TAP2: variants seen among roughly 807,000 people sequenced by gnomAD.
The protein encoded by TAP2 is antigen peptide transporter 2.
In TAP2, 49 loss-of-function variants were observed where a neutral mutation model predicts 74.7. The ratio of observed to expected loss-of-function variants is 0.66; its 90% CI spans 0.52 to 0.83. The LOEUF (loss-of-function observed/expected upper bound fraction) is 0.83, where lower values mean the gene tolerates loss of function less well. Ranked by LOEUF, TAP2 falls within the 40% of genes least tolerant of loss-of-function variation. TAP2 has a pLI of 0.00. For missense variants in TAP2, 739 were observed against 859.0 expected (o/e 0.86, Z 1.75); for synonymous variants, 306 against 368.4 (o/e 0.83, Z 1.94).
chr6:32,824,024 GATTT>G (rs1336456872), downstream of TAP2, among the ~76,000 whole-genome samples: 1 of 151,708 alleles, frequency 6.6e-6, no homozygotes, highest in Non-Finnish European at 1.5e-5. Flanking sequence ...ACGAGCACTT[GATTT>G]ATTAGTTTTA....
intron 5 of TAP2, among the ~76,000 whole-genome samples, chr6:32,834,772 AG>A (rs955889826): frequency 2.0e-5 from 3 of 152,118 alleles, no homozygotes; most frequent in Non-Finnish European, 4.4e-5. Context: ...CTGATTTTAA[AG>A]GGAAAATCTC....
At chr6:32,834,102 T>C (rs1003647092) in intron 5 of TAP2, among the ~76,000 whole-genome samples, 28 of 152,310 alleles carry the variant, frequency 1.8e-4, no homozygotes, top group African/African-American at 6.7e-4. Flanking sequence ...AATTGTTAAA[T>C]AGAATTGCCA....
Position 32,828,124 on chromosome 6 carries a change from G to T in TAP2, c.*782C>A. ...ACGACCACCTTGGGAAAGTCATTGA[G>T]CCTCTTTGAGCTTCAGTTTCCTCAT... On this transcript the variant is annotated 3_prime_UTR_variant, in exon 12 of 12. Coordinates refer to ENST00000374897, the MANE Select transcript of TAP2 (RefSeq NM_001290043.2). 1.3e-6 allele frequency: 1 copy of T among 787,582 alleles called. No individual in the cohort carries two copies. Among genetic ancestry groups the T allele is most frequent in the Non-Finnish European group, 1.5e-6 (1 of 650,208 alleles). 48.8% of individuals were successfully genotyped at this position (787,582 alleles called of 1,614,324 possible). A position where few individuals can be genotyped will look rare whatever the true frequency, so the allele number is the denominator to read the frequency against.
rs531445379 is a variant in TAP2, at chr6:32,835,592, G to A, written c.739+51C>T. The A allele has an allele frequency of 3.1e-6, 5 of 1,612,414 alleles. No individual in the cohort carries two copies. The East Asian group carries it at 8.9e-5, about 29-fold the overall frequency. On this transcript the variant is annotated intron_variant, in intron 4 of 11. Coordinates refer to ENST00000374897, the MANE Select transcript of TAP2 (RefSeq NM_001290043.2). The surrounding 1 kb of genome is among the most constrained non-coding windows in gnomAD (Gnocchi z 4.0). ...GAGAGGCTGTGGGTGGAAGGTCACTGAGGGGCAAGGGATGTCCATGGGAAT... is the reference window on the plus strand; with the variant it reads ...GAGAGGCTGTGGGTGGAAGGTCACTAAGGGGCAAGGGATGTCCATGGGAAT...
At chr6:32,822,620 G>T (rs527988657), downstream of TAP2, among the ~76,000 whole-genome samples, 28 of 146,716 alleles carry the variant, frequency 1.9e-4, no homozygotes, top group Admixed American at 4.7e-4. Flanking sequence ...GCTCACTGCA[G>T]CCTTGAACTG....
At chr6:32,823,949 GCTCATATCCTCTCCCTTC>G (rs1768474442), downstream of TAP2, among the ~76,000 whole-genome samples, 1 of 151,614 alleles carries the variant, frequency 6.6e-6, no homozygotes, top group Non-Finnish European at 1.5e-5. Context: ...CACAAAACTA[GCTCATATCCTCTCCCTTC>G]CTCTTTCTGT....
At position 32,832,190 on chromosome 6, in the gene TAP2, G is replaced by A. The variant is rs1307169523; in HGVS notation, c.1272+143C>T. ...TTATTTTGTCTCATTTTTGGCATATGTTTAAAATTCTCCATAGCAAAATTA... is the reference window on the plus strand; with the variant it reads ...TTATTTTGTCTCATTTTTGGCATATATTTAAAATTCTCCATAGCAAAATTA... On this transcript the variant is annotated intron_variant, in intron 7 of 11. Coordinates refer to ENST00000374897, the MANE Select transcript of TAP2 (RefSeq NM_001290043.2). The surrounding 1 kb of genome is among the most constrained non-coding windows in gnomAD (Gnocchi z 5.9). 1 of 1,195,642 alleles carries A rather than the reference G, an allele frequency of 8.4e-7. No homozygotes were observed. The highest frequency in any genetic ancestry group is 1.2e-6 in the Non-Finnish European group (1 of 840,730). The allele number at this position is 1,195,642 out of a possible 1,614,324, so 74.1% of individuals were successfully genotyped here.
chr6:32,830,439 C>A lies in TAP2; in HGVS notation c.1463G>T (p.Gly488Val). Reference protein sequence around the residue: ...PNRPDRPVLKGLTFTLRPGEV... With the variant: ...PNRPDRPVLKVLTFTLRPGEV... ...ACCAGGACGTAGGGTAAACGTCAGC[C>A]CCTAGAAAACCAGAAAAAGAGTTAA... Residue 488 changes from glycine to valine, a missense_variant and splice_region_variant, in exon 9 of 12, where the codon GGG becomes GTG. By Grantham distance (109) the Gly-to-Val change is moderately radical. Coordinates refer to ENST00000374897, the MANE Select transcript of TAP2 (RefSeq NM_001290043.2). 6.2e-7 allele frequency: 1 copy of A among 1,612,136 alleles called. No individual in the cohort carries two copies. The highest frequency in any genetic ancestry group is 1.1e-5 in the South Asian group (1 of 90,990).
intron 8 of TAP2, 52 bp from the exon 9 acceptor site, chr6:32,830,492 C>T: frequency 6.3e-7 from 1 of 1,592,656 alleles, no homozygotes; most frequent in East Asian, 2.3e-5. Flanking sequence ...CTCAAAATCC[C>T]TCCATTTCTC....
At position 32,832,934 on chromosome 6, in the gene TAP2, G is replaced by A; in HGVS notation, c.946-110C>T. 8.3e-7 allele frequency: 1 copy of A among 1,199,802 alleles called. No individual in the cohort carries two copies. Among genetic ancestry groups the A allele is most frequent in the Non-Finnish European group, 1.2e-6 (1 of 832,524 alleles). 74.3% of individuals were successfully genotyped at this position (1,199,802 alleles called of 1,614,324 possible). On this transcript the variant is annotated intron_variant, in intron 5 of 11. Transcript: ENST00000374897. The surrounding 1 kb of genome is among the most constrained non-coding windows in gnomAD (Gnocchi z 5.9). Reference sequence around the variant, plus strand: ...CTAGTCTACCTAAAAATACCAAACTGTTTCTCTCCCTCTTCCTTACTCTTC... The same window carrying A: ...CTAGTCTACCTAAAAATACCAAACTATTTCTCTCCCTCTTCCTTACTCTTC...
chr6:32,822,752 A>C (rs1362916385), downstream of TAP2, among the ~76,000 whole-genome samples: 1 of 151,840 alleles, frequency 6.6e-6, no homozygotes, highest in African/African-American at 2.4e-5. Flanking sequence ...ACTGGTCTTG[A>C]GCTCCTGAGT....
chr6:32,835,716 G>A lies in TAP2; in HGVS notation c.666C>T (p.Asn222=). Residue 222 remains asparagine (N), a synonymous_variant, in exon 4 of 12, where the codon AAC becomes AAT. Coordinates refer to ENST00000374897, the MANE Select transcript of TAP2 (RefSeq NM_001290043.2). The surrounding 1 kb of genome is among the most constrained non-coding windows in gnomAD (Gnocchi z 4.0). The part of the protein sequence containing the change: ...GCFTYTMSRI[N]LRIREQLFSS... Reference sequence around the variant, plus strand: ...AGAAAAGCTGCTCCCGGATCCGCAAGTTGATTCGAGACATGGTGTAGGTGA... The same window carrying A: ...AGAAAAGCTGCTCCCGGATCCGCAAATTGATTCGAGACATGGTGTAGGTGA... 6.2e-7 allele frequency: 1 copy of A among 1,613,112 alleles called. No homozygotes were observed. Among genetic ancestry groups the A allele is most frequent in the Non-Finnish European group, 8.5e-7 (1 of 1,180,032 alleles).
Position 32,827,980 on chromosome 6 carries a change from A to C in TAP2, c.*926T>G. ...TGAATTATTTAGAGCTAAGAGCAGC[A>C]GAGCTTTTCTTGATGGGATTATGGA... On this transcript the variant is annotated 3_prime_UTR_variant, in exon 12 of 12. Coordinates refer to ENST00000374897, the MANE Select transcript of TAP2 (RefSeq NM_001290043.2). 1.0e-6 allele frequency: 1 copy of C among 985,360 alleles called. No individual in the cohort carries two copies. Among genetic ancestry groups the C allele is most frequent in the Non-Finnish European group, 1.2e-6 (1 of 829,874 alleles). 61.0% of individuals were successfully genotyped at this position (985,360 alleles called of 1,614,324 possible).
rs371802164 is a variant in TAP2 at position 32,835,705 on chromosome 6, C to T, written c.677G>A (p.Arg226Gln). The T allele has an allele frequency of 8.1e-6, 13 of 1,612,916 alleles. No homozygotes were observed. Among genetic ancestry groups the T allele is most frequent in the East Asian group, 6.7e-5 (3 of 44,894 alleles). Residue 226 changes from arginine (R) to glutamine (Q), a missense_variant, in exon 4 of 12, where the codon CGG (arginine) becomes CAG (glutamine). Coordinates refer to ENST00000374897, the MANE Select transcript of TAP2 (RefSeq NM_001290043.2). The surrounding 1 kb of genome is among the most constrained non-coding windows in gnomAD (Gnocchi z 4.0). ...CAGCAGGGAGGAGAAAAGCTGCTCC[C>T]GGATCCGCAAGTTGATTCGAGACAT... ...YTMSRINLRI[R>Q]EQLFSSLLRQ...
chr6:32,828,686 A>AACCCC lies in TAP2; in HGVS notation c.*219_*220insGGGGT. ...CCTGGACACAGACAGCCCCCACCCCACCCCACCCCACCTCTCTACCCCACC... is the reference window on the plus strand; with the variant it reads ...CCTGGACACAGACAGCCCCCACCCCAACCCCCCCCACCCCACCTCTCTACCCCACC... On this transcript the variant is annotated 3_prime_UTR_variant, in exon 12 of 12. Coordinates refer to ENST00000374897, the MANE Select transcript of TAP2 (RefSeq NM_001290043.2). The AACCCC allele has an allele frequency of 5.2e-6, 3 of 579,318 alleles. No individual in the cohort carries two copies. Among genetic ancestry groups the AACCCC allele is most frequent in the Non-Finnish European group, 6.1e-6 (3 of 493,714 alleles). The allele number at this position is 579,318 out of a possible 1,614,324, so 35.9% of individuals were successfully genotyped here.
rs2857100 is a variant in TAP2, at chr6:32,827,079, C to T, written c.*1827G>A. The T allele has an allele frequency of 8.7e-3, 8,561 of 985,716 alleles. 45 individuals carry two copies. The highest frequency in any genetic ancestry group is 9.8e-3 in the Non-Finnish European group (8,100 of 829,942). 61.1% of individuals were successfully genotyped at this position (985,716 alleles called of 1,614,324 possible). On this transcript the variant is annotated 3_prime_UTR_variant, in exon 12 of 12. Coordinates refer to ENST00000374897, the MANE Select transcript of TAP2 (RefSeq NM_001290043.2). ...TGCACAAGAAACTGCCCACTCTCAC[C>T]CCATCCTCACTGCACCCTGCTCCCA... is the stretch of plus-strand genomic sequence containing the variant.
chr6:32,822,279 C>T, downstream of TAP2: 1 of 1,543,702 alleles, frequency 6.5e-7, no homozygotes, highest in South Asian at 1.2e-5. Flanking sequence ...CAGGAAATAT[C>T]CATTGAAATT....
chr6:32,828,104 C>A lies in TAP2; in HGVS notation c.*802G>T. On this transcript the variant is annotated 3_prime_UTR_variant, in exon 12 of 12. Coordinates refer to ENST00000374897, the MANE Select transcript of TAP2 (RefSeq NM_001290043.2). Reference sequence around the variant, plus strand: ...CAAACTCCAACTCCACCACTACGACCACCTTGGGAAAGTCATTGAGCCTCT... The same window carrying A: ...CAAACTCCAACTCCACCACTACGACAACCTTGGGAAAGTCATTGAGCCTCT... 2 of 832,610 alleles carry A rather than the reference C, an allele frequency of 2.4e-6. No individual in the cohort carries two copies. The highest frequency in any genetic ancestry group is 5.7e-5 in the South Asian group (1 of 17,554). The allele number at this position is 832,610 out of a possible 1,614,324, so 51.6% of individuals were successfully genotyped here. A position where few individuals can be genotyped will look rare whatever the true frequency, so the allele number is the denominator to read the frequency against.
Position 32,835,251 on chromosome 6 carries a change from C to G in TAP2, c.848G>C (p.Gly283Ala), listed in dbSNP as rs1278521116. The G allele has an allele frequency of 1.1e-5, 17 of 1,612,946 alleles. No individual in the cohort carries two copies. The highest frequency in any genetic ancestry group is 1.4e-5 in the Non-Finnish European group (16 of 1,180,046). The change falls in exon 5 of 12, where the codon GGC (glycine) becomes GCC (alanine). Residue 283 changes from glycine to alanine, a missense_variant. By Grantham distance (60) the Gly-to-Ala change is moderately conservative (BLOSUM62 0). Coordinates refer to ENST00000374897, the MANE Select transcript of TAP2 (RefSeq NM_001290043.2). This position sits in a 1 kb window ranked among gnomAD's most constrained non-coding sequence, Gnocchi z 4.0. ...TCGAGGCGATATGCTGAGCATGAAG[C>G]CATACAGCCCCACCACTTTCACCAG... Reference protein sequence around the residue: ...RSLVKVVGLYGFMLSISPRLT... With the variant: ...RSLVKVVGLYAFMLSISPRLT...
Sources: gnomAD v4.1 joint callset for allele counts (sites outside exome capture counted in the v4.1 genomes callset) on GRCh38, gnomAD v4.1.1 for gene constraint, Gnocchi (gnomAD v3.1) non-coding constraint, MANE v1.5 for transcripts, NCBI Gene and HGNC (gene_info 2026-07-23, HGNC 2026-07-21) for gene names.